IL1RAPL2: variants seen among roughly 807,000 people sequenced by gnomAD.
IL1RAPL2 encodes the protein X-linked interleukin-1 receptor accessory protein-like 2.
In IL1RAPL2, 3 loss-of-function variants were observed where a neutral mutation model predicts 44.1. The observed-to-expected ratio is 0.07, with a 90% confidence interval of 0.03 to 0.18. The LOEUF is 0.18. Ranked by LOEUF, IL1RAPL2 falls within the 10% of genes least tolerant of loss-of-function variation. IL1RAPL2 has a pLI of 1.00. For missense variants in IL1RAPL2, 391 were observed against 496.4 expected, an observed-to-expected ratio of 0.79 and a Z score of 2.02; for synonymous variants, 181 against 178.8, an observed-to-expected ratio of 1.01 and a Z score of -0.10.
At chrX:104,920,554 T>C (rs1924607587) in intron 2 of IL1RAPL2, among the ~76,000 whole-genome samples, 1 of 103,669 alleles carries the variant, frequency 9.6e-6, no homozygotes, top group African/African-American at 3.5e-5. Flanking sequence ...GCTCCTGCTT[T>C]CATCATGTGA....
At chrX:104,913,678 A>G (rs1009043694) in intron 2 of IL1RAPL2, among the ~76,000 whole-genome samples, 2 of 112,357 alleles carry the variant, frequency 1.8e-5, no homozygotes, top group Non-Finnish European at 3.8e-5. Context: ...CAGCTAAGCC[A>G]GCACTCTCTG....
chrX:104,748,213 C>A (rs1455002106), intron 2 of IL1RAPL2, among the ~76,000 whole-genome samples: 1 of 111,466 alleles, frequency 9.0e-6, no homozygotes, highest in African/African-American at 3.3e-5. Context: ...ACCATGCTAA[C>A]TAAGCTTTGG....
chrX:104,884,909 G>A (rs983346109), intron 2 of IL1RAPL2, among the ~76,000 whole-genome samples: 4 of 110,524 alleles, frequency 3.6e-5, no homozygotes, highest in Non-Finnish European at 5.7e-5. Flanking sequence ...ATCTCCAAAG[G>A]ACCACAAAAA....
intron 6 of IL1RAPL2, among the ~76,000 whole-genome samples, chrX:105,510,018 T>A (rs188109889): frequency 0.018 from 1,990 of 109,026 alleles, 56 homozygotes; most frequent in African/African-American, 0.063. Flanking sequence ...CAAAAAAAAA[T>A]AAATAAATAA....
chrX:104,597,551 G>C (rs1001171232), intron 1 of IL1RAPL2, among the ~76,000 whole-genome samples: 1 of 111,383 alleles, frequency 9.0e-6, no homozygotes, highest in African/African-American at 3.3e-5. Context: ...AGATGTTAAT[G>C]ACTGATTTGG....
chrX:105,349,707 C>G (rs1315254312), intron 5 of IL1RAPL2, among the ~76,000 whole-genome samples: 2 of 111,776 alleles, frequency 1.8e-5, no homozygotes, highest in Non-Finnish European at 3.8e-5. Context: ...TTTGTAACCT[C>G]TCCAAGTACT....
chrX:105,704,364 T>G (rs1211210152), intron 6 of IL1RAPL2, among the ~76,000 whole-genome samples: 1 of 111,342 alleles, frequency 9.0e-6, no homozygotes, highest in Non-Finnish European at 1.9e-5. Context: ...AACTAAGATA[T>G]CTGCGTAATA....
chrX:105,519,875 A>G (rs1449205913), intron 6 of IL1RAPL2, among the ~76,000 whole-genome samples: 1 of 111,730 alleles, frequency 9.0e-6, no homozygotes, highest in Non-Finnish European at 1.9e-5. Context: ...ATCTGACTAC[A>G]GAACCCTATT....
intron 5 of IL1RAPL2, among the ~76,000 whole-genome samples, chrX:105,470,526 G>C (rs1420042986): frequency 8.9e-6 from 1 of 111,780 alleles, no homozygotes; most frequent in Admixed American, 9.5e-5. Context: ...TAACTTGCCT[G>C]TTTGCTTTGC....
chrX:104,585,333 AT>A, intron 1 of IL1RAPL2, among the ~76,000 whole-genome samples: 1 of 17,192 alleles, frequency 5.8e-5, no homozygotes, highest in Non-Finnish European at 7.8e-5. Context: ...TATATAATAT[AT>A]ATTATATATT....
At chrX:105,588,970 C>T (rs1438867141) in intron 6 of IL1RAPL2, among the ~76,000 whole-genome samples, 1 of 111,796 alleles carries the variant, frequency 8.9e-6, no homozygotes, top group African/African-American at 3.2e-5. Flanking sequence ...CACAAAACTG[C>T]TTTCCACAGA....
At chrX:105,545,593 A>T (rs1219347616) in intron 6 of IL1RAPL2, among the ~76,000 whole-genome samples, 1 of 111,511 alleles carries the variant, frequency 9.0e-6, no homozygotes, top group Non-Finnish European at 1.9e-5. Flanking sequence ...CTGTTGGCTA[A>T]TTTTTTTCTT....
At chrX:104,946,494 C>A (rs1368008332) in intron 2 of IL1RAPL2, among the ~76,000 whole-genome samples, 2 of 97,039 alleles carry the variant, frequency 2.1e-5, no homozygotes, top group African/African-American at 3.8e-5. Flanking sequence ...ATACATATGC[C>A]ATGCTGGTGT....
intron 1 of IL1RAPL2, among the ~76,000 whole-genome samples, chrX:104,606,353 AG>A (rs935954975): frequency 8.9e-6 from 1 of 111,885 alleles, no homozygotes; most frequent in African/African-American, 3.2e-5. Flanking sequence ...ACAAACCCAC[AG>A]CCAATACCAT....
intron 6 of IL1RAPL2, among the ~76,000 whole-genome samples, chrX:105,555,384 T>C (rs1426043635): frequency 2.7e-5 from 3 of 111,518 alleles, no homozygotes; most frequent in African/African-American, 9.8e-5. Flanking sequence ...TTTCCCTTCT[T>C]TCAGGGATCA....
chrX:104,601,279 C>T (rs1928876572), intron 1 of IL1RAPL2, among the ~76,000 whole-genome samples: 1 of 109,912 alleles, frequency 9.1e-6, no homozygotes, highest in African/African-American at 3.3e-5. Context: ...CCTCCCCCTC[C>T]CCCTACCCCA....
intron 3 of IL1RAPL2, among the ~76,000 whole-genome samples, chrX:105,228,312 G>A (rs1286240343): frequency 8.9e-6 from 1 of 111,925 alleles, no homozygotes; most frequent in Admixed American, 9.5e-5. Context: ...TAGGGCTTTT[G>A]ATTTTAGGTA....
At chrX:104,739,010 G>C (rs1932060069) in intron 2 of IL1RAPL2, among the ~76,000 whole-genome samples, 1 of 111,457 alleles carries the variant, frequency 9.0e-6, no homozygotes, top group African/African-American at 3.3e-5. Flanking sequence ...GGTTGATAAG[G>C]AGCTTTTGGC....
At chrX:105,326,101 G>C (rs1385183445) in intron 5 of IL1RAPL2, among the ~76,000 whole-genome samples, 1 of 111,511 alleles carries the variant, frequency 9.0e-6, no homozygotes, top group Non-Finnish European at 1.9e-5. Flanking sequence ...TGCCCAGGCT[G>C]GAGTACAGTG....
Sources: gnomAD v4.1 joint callset for allele counts (sites outside exome capture counted in the v4.1 genomes callset) on GRCh38, gnomAD v4.1.1 for gene constraint, MANE v1.5 for transcripts, NCBI Gene and HGNC (gene_info 2026-07-23, HGNC 2026-07-21) for gene names.